AHDC1: variants seen among roughly 807,000 people sequenced by gnomAD.
The protein encoded by AHDC1 is transcription factor Gibbin.
Under a neutral mutation model 87.9 loss-of-function variants are expected in AHDC1, and 7 were observed. That is an observed-to-expected ratio of 0.08 (90% CI 0.05 to 0.15). The LOEUF (loss-of-function observed/expected upper bound fraction) is 0.15, where lower values mean the gene tolerates loss of function less well. AHDC1 is among the 10% of genes least tolerant of loss of function. AHDC1 has a pLI of 1.00. For missense variants in AHDC1, 1,841 were observed against 2,253.2 expected, an observed-to-expected ratio of 0.82 and a Z score of 3.70; for synonymous variants, 1,051 against 1,006.8, an observed-to-expected ratio of 1.04 and a Z score of -0.83.
chr1:27,537,388 G>A lies in AHDC1; in HGVS notation c.*44-2472C>T, dbSNP rs12040728. Among the ~76,000 whole-genome samples, 36 of 152,274 alleles carry A rather than the reference G, an allele frequency of 2.4e-4. No individual in the cohort carries two copies. In the East Asian group the frequency reaches 7.0e-3, roughly 29 times the overall value. On this transcript the variant is annotated intron_variant, in intron 8 of 8. Coordinates refer to ENST00000673934, the MANE Select transcript of AHDC1 (RefSeq NM_001371928.1). ...CGCAGGGAGACAGGGGCTGTGCCAC[G>A]GAAGGTCCTGGGGAGGCAGCTAACC...
rs1280625130 is a variant in AHDC1 at position 27,580,054 on chromosome 1, G to A, written c.-628-21171C>T. Among the ~76,000 whole-genome samples the A allele has an allele frequency of 2.6e-5, 4 of 152,308 alleles. No individual in the cohort carries two copies. The East Asian group carries it at 7.7e-4, about 29-fold the overall frequency. ...GGCCCCAGGACTCCTCTCTGGGATG[G>A]AAAGGGTGTCTCTACTTCTTAACTC... On this transcript the variant is annotated intron_variant, in intron 3 of 8. Transcript: ENST00000673934.
At chr1:27,602,986 T>TCC (rs552714980) in intron 3 of AHDC1, among the ~76,000 whole-genome samples, 1,713 of 69,788 alleles carry the variant, frequency 0.025, 72 homozygotes, top group African/African-American at 0.078. Context: ...CCCCCTTCAT[T>TCC]CCCCCCCCCC....
chr1:27,534,788 G>A lies in AHDC1; in HGVS notation c.*172C>T, dbSNP rs889228838. On this transcript the variant is annotated 3_prime_UTR_variant, in exon 9 of 9. Transcript: ENST00000673934. Reference sequence around the variant, plus strand: ...TTCGGCTTCTGCGTGGAGGAGATGGGTGGGAGGGGGTGGAGGGAGATGGGT... The same window carrying A: ...TTCGGCTTCTGCGTGGAGGAGATGGATGGGAGGGGGTGGAGGGAGATGGGT... The A allele has an allele frequency of 4.6e-5, 7 of 151,386 alleles. No individual in the cohort carries two copies. The highest frequency in any genetic ancestry group is 1.7e-4 in the African/African-American group (7 of 40,976). 9.4% of individuals were successfully genotyped at this position (151,386 alleles called of 1,614,324 possible).
At chr1:27,582,112 G>A (rs1160756194) in intron 3 of AHDC1, among the ~76,000 whole-genome samples, 2 of 152,172 alleles carry the variant, frequency 1.3e-5, no homozygotes, top group Non-Finnish European at 2.9e-5. Context: ...GCTCTCCAGC[G>A]CAGCTCCATC....
chr1:27,568,151 G>T (rs1571285837), intron 3 of AHDC1: 1 of 152,234 alleles, frequency 6.6e-6, no homozygotes, highest in African/African-American at 2.4e-5. Context: ...AAGGTGGACA[G>T]CCCGCAGAAA....
chr1:27,568,212 C>G (rs1406843410), intron 3 of AHDC1: 2 of 152,284 alleles, frequency 1.3e-5, no homozygotes, highest in African/African-American at 2.4e-5. Context: ...ACTGAGCAAA[C>G]TGCTCAGTGG....
chr1:27,571,880 G>A (rs1262107139), intron 3 of AHDC1, among the ~76,000 whole-genome samples: 2 of 152,148 alleles, frequency 1.3e-5, no homozygotes, highest in East Asian at 1.9e-4. Flanking sequence ...GACTGTTGCC[G>A]TTGCTAGGAA....
At position 27,598,215 on chromosome 1, in the gene AHDC1, C is replaced by A. The variant is rs997749360; in HGVS notation, c.-629+5182G>T. 2.0e-5 allele frequency among the ~76,000 whole-genome samples: 3 copies of A among 152,234 alleles called. No individual in the cohort carries two copies. The highest frequency in any genetic ancestry group is 6.5e-5 in the Admixed American group (1 of 15,290). ...CGGGGCCAGCCAGCTGCAGAAGCAG[C>A]CCCTCCCCTGGGCTCCCAGGCCAAG... On this transcript the variant is annotated intron_variant, in intron 3 of 8. Transcript: ENST00000673934. The surrounding 1 kb of genome is among the most constrained non-coding windows in gnomAD (Gnocchi z 4.2).
rs776871913 is a variant in AHDC1 at position 27,558,719 on chromosome 1, G to A, written c.-464C>T. ...GCACACTGTTACCTGAGCAGGCTGC[G>A]AAGATAGGCTGGGCTCAGCAGGAAA... is the stretch of plus-strand genomic sequence containing the variant. On this transcript the variant is annotated 5_prime_UTR_variant, in exon 4 of 9. Transcript: ENST00000673934. This position sits in a 1 kb window ranked among gnomAD's most constrained non-coding sequence, Gnocchi z 5.6. 5 of 398,560 alleles carry A rather than the reference G, an allele frequency of 1.3e-5. No homozygotes were observed. The highest frequency in any genetic ancestry group is 6.2e-5 in the African/African-American group (3 of 48,646). 24.7% of individuals were successfully genotyped at this position (398,560 alleles called of 1,614,324 possible).
intron 8 of AHDC1, among the ~76,000 whole-genome samples, chr1:27,537,842 G>T (rs2018715474): frequency 6.6e-6 from 1 of 152,150 alleles, no homozygotes; most frequent in Non-Finnish European, 1.5e-5. Flanking sequence ...TGTCAAGGGG[G>T]GGACTGGCAC....
In AHDC1 at chr1:27,538,522, G is replaced by GT. The variant is rs373338858; in HGVS notation, c.*44-3607dup. 1.0e-3 allele frequency among the ~76,000 whole-genome samples: 149 copies of GT among 142,230 alleles called. 1 individual carries two copies. The South Asian group carries it at 0.019, about 18-fold the overall frequency. 93.3% of individuals were successfully genotyped at this position (142,230 alleles called of 152,430 possible). On this transcript the variant is annotated intron_variant, in intron 8 of 8. Coordinates refer to ENST00000673934, the MANE Select transcript of AHDC1 (RefSeq NM_001371928.1). ...CTTCAGGTTTTTTTGGTTGTTTTTT[G>GT]TTTTTTTTTTGAGACAGGTTCTCAC...
chr1:27,564,930 A>T (rs1380352470), intron 3 of AHDC1, among the ~76,000 whole-genome samples: 1 of 152,108 alleles, frequency 6.6e-6, no homozygotes, highest in Non-Finnish European at 1.5e-5. Context: ...CAGAGAGGGA[A>T]AGGCCTAGCC....
In AHDC1 at chr1:27,598,661, G is replaced by A. The variant is rs1368599081; in HGVS notation, c.-629+4736C>T. 6.6e-6 allele frequency among the ~76,000 whole-genome samples: 1 copy of A among 152,156 alleles called. No homozygotes were observed. Among genetic ancestry groups the A allele is most frequent in the Non-Finnish European group, 1.5e-5 (1 of 68,006 alleles). ...CCCACCTCCATCTACCCATAGGGAC[G>A]TGGGGGGATCACACCAGTGTCACCC... On this transcript the variant is annotated intron_variant, in intron 3 of 8. Coordinates refer to ENST00000673934, the MANE Select transcript of AHDC1 (RefSeq NM_001371928.1). This position sits in a 1 kb window ranked among gnomAD's most constrained non-coding sequence, Gnocchi z 4.2.
chr1:27,600,159 T>C (rs2089490814), intron 3 of AHDC1, among the ~76,000 whole-genome samples: 1 of 151,888 alleles, frequency 6.6e-6, no homozygotes, highest in Non-Finnish European at 1.5e-5. Context: ...TCACCATGCA[T>C]GTGGTTGTGG....
In AHDC1 at chr1:27,595,932, A is replaced by G. The variant is rs966345450; in HGVS notation, c.-629+7465T>C. Among the ~76,000 whole-genome samples the G allele has an allele frequency of 6.6e-6, 1 of 151,608 alleles. No homozygotes were observed. The highest frequency in any genetic ancestry group is 1.5e-5 in the Non-Finnish European group (1 of 67,868). On this transcript the variant is annotated intron_variant, in intron 3 of 8. Coordinates refer to ENST00000673934, the MANE Select transcript of AHDC1 (RefSeq NM_001371928.1). This position sits in a 1 kb window ranked among gnomAD's most constrained non-coding sequence, Gnocchi z 4.0. ...TGGAAGTGTGTGGGCTGGGTGTTGT[A>G]GGTGGAGCAGTTGTGTTTTAGAGGT...
chr1:27,557,405 T>C (rs146427355), intron 5 of AHDC1, among the ~76,000 whole-genome samples: 2 of 131,280 alleles, frequency 1.5e-5, no homozygotes, highest in Non-Finnish European at 3.2e-5. Flanking sequence ...CCCAGAGAGC[T>C]CCTTGTTCCA....
At chr1:27,568,837 C>CGCCCA (rs1240719227) in intron 3 of AHDC1, among the ~76,000 whole-genome samples, 1 of 151,850 alleles carries the variant, frequency 6.6e-6, no homozygotes, top group Non-Finnish European at 1.5e-5. Context: ...CCCCAGAGAG[C>CGCCCA]GCCCAGCCCA....
At chr1:27,543,179 T>C (rs1409782494) in intron 8 of AHDC1, among the ~76,000 whole-genome samples, 1 of 152,192 alleles carries the variant, frequency 6.6e-6, no homozygotes, top group Non-Finnish European at 1.5e-5. Flanking sequence ...TGGCCTCAGG[T>C]CAGGCCTGAG....
Position 27,594,567 on chromosome 1 carries a change from G to A in AHDC1, c.-629+8830C>T, listed in dbSNP as rs571181684. ...AGAGCACAGGGTCTTGGGTGGGGCA[G>A]CTTTGAACCAGATGTCCAGCCTCAC... On this transcript the variant is annotated intron_variant, in intron 3 of 8. Transcript: ENST00000673934. 2.0e-5 allele frequency among the ~76,000 whole-genome samples: 3 copies of A among 152,346 alleles called. No individual in the cohort carries two copies. The South Asian group carries it at 6.2e-4, about 32-fold the overall frequency.
Sources: gnomAD v4.1 joint callset for allele counts (sites outside exome capture counted in the v4.1 genomes callset) on GRCh38, gnomAD v4.1.1 for gene constraint, Gnocchi (gnomAD v3.1) non-coding constraint, MANE v1.5 for transcripts, NCBI Gene and HGNC (gene_info 2026-07-23, HGNC 2026-07-21) for gene names.